The following EXOC4 variants were observed in gnomAD, a reference collection of about 807,000 sequenced individuals.
EXOC4 encodes the protein exocyst complex component 4.
A neutral mutation model predicts 107.2 loss-of-function variants in EXOC4; 71 were observed. The ratio of observed to expected loss-of-function variants is 0.66; its 90% CI spans 0.55 to 0.81. EXOC4 has a LOEUF of 0.81. Among genes scored for constraint, EXOC4 ranks in the 30% least tolerant of loss-of-function variants. The pLI, the probability that EXOC4 is intolerant of heterozygous loss-of-function variation, is 0.00. For missense variants in EXOC4, 1,108 were observed against 1,189.6 expected (o/e 0.93, Z 1.01); for synonymous variants, 456 against 441.2 (o/e 1.03, Z -0.42).
intron 17 of EXOC4, among the ~76,000 whole-genome samples, chr7:134,028,503 G>C (rs1415004266): frequency 1.3e-5 from 2 of 152,228 alleles, no homozygotes; most frequent in Non-Finnish European, 2.9e-5. Flanking sequence ...GTGGGAAACT[G>C]TTCCTGCTGC....
chr7:133,547,985 G>A (rs1326292495), intron 9 of EXOC4, among the ~76,000 whole-genome samples: 1 of 151,904 alleles, frequency 6.6e-6, no homozygotes, highest in Non-Finnish European at 1.5e-5. Flanking sequence ...GGATCCATCA[G>A]AAGAATCACT....
At chr7:133,620,484 A>G (rs1219054169) in intron 9 of EXOC4, among the ~76,000 whole-genome samples, 1 of 152,222 alleles carries the variant, frequency 6.6e-6, no homozygotes, top group African/African-American at 2.4e-5. Context: ...GAATTGAAAC[A>G]TACATCCACA....
intron 9 of EXOC4, among the ~76,000 whole-genome samples, chr7:133,507,754 T>C (rs942584200): frequency 1.3e-5 from 2 of 152,204 alleles, no homozygotes; most frequent in Non-Finnish European, 2.9e-5. Flanking sequence ...TGTTAAGTTA[T>C]AAACTGCAGC....
intron 9 of EXOC4, among the ~76,000 whole-genome samples, chr7:133,627,140 A>T (rs1209421406): frequency 6.6e-6 from 1 of 152,234 alleles, no homozygotes; most frequent in Admixed American, 6.5e-5. Flanking sequence ...GTTAAGGTTC[A>T]TAATGGGTTA....
chr7:133,264,109 G>A (rs1793654185), intron 1 of EXOC4, among the ~76,000 whole-genome samples: 2 of 152,124 alleles, frequency 1.3e-5, no homozygotes, highest in African/African-American at 4.8e-5. Flanking sequence ...AAGAGTAGGG[G>A]GTAGATTTTA....
intron 10 of EXOC4, among the ~76,000 whole-genome samples, chr7:133,746,972 A>G (rs79640596): frequency 0.012 from 1,806 of 152,274 alleles, 31 homozygotes; most frequent in African/African-American, 0.041. Flanking sequence ...ACTTGAGGAA[A>G]GTCAGAGGTT....
chr7:133,723,214 G>A (rs904488493), intron 10 of EXOC4, among the ~76,000 whole-genome samples: 3 of 152,208 alleles, frequency 2.0e-5, no homozygotes, highest in Non-Finnish European at 4.4e-5. Context: ...AGAAAAGAGG[G>A]GAGAAGAGGT....
chr7:133,803,368 T>C (rs1480632824), intron 10 of EXOC4, among the ~76,000 whole-genome samples: 1 of 152,230 alleles, frequency 6.6e-6, no homozygotes, highest in Non-Finnish European at 1.5e-5. Context: ...TTTTTTTAAA[T>C]GTACAAACCA....
intron 6 of EXOC4, among the ~76,000 whole-genome samples, chr7:133,361,443 G>A (rs1480271810): frequency 6.6e-6 from 1 of 152,074 alleles, no homozygotes; most frequent in Non-Finnish European, 1.5e-5. Flanking sequence ...ACCACGCCCG[G>A]CTAATTTTTT....
At chr7:133,953,301 A>T (rs1011937664) in intron 14 of EXOC4, among the ~76,000 whole-genome samples, 19 of 152,114 alleles carry the variant, frequency 1.2e-4, no homozygotes, top group African/African-American at 4.6e-4. Context: ...AAAATAAAAA[A>T]TTTGGCCAGG....
At chr7:133,450,179 T>G (rs1291649300) in intron 7 of EXOC4, among the ~76,000 whole-genome samples, 1 of 152,102 alleles carries the variant, frequency 6.6e-6, no homozygotes, top group Non-Finnish European at 1.5e-5. Flanking sequence ...GGGTTATTAT[T>G]ATTTTTTTTT....
chr7:133,559,563 T>C (rs1241568833), intron 9 of EXOC4, among the ~76,000 whole-genome samples: 1 of 152,190 alleles, frequency 6.6e-6, no homozygotes, highest in Non-Finnish European at 1.5e-5. Flanking sequence ...ATTTCTTGAT[T>C]TCAGTTGTAA....
intron 9 of EXOC4, among the ~76,000 whole-genome samples, chr7:133,483,383 GCT>G (rs1246219726): frequency 2.0e-5 from 3 of 152,178 alleles, no homozygotes; most frequent in African/African-American, 7.2e-5. Flanking sequence ...TTGCCCTTGA[GCT>G]CTCTGGCCCA....
intron 6 of EXOC4, among the ~76,000 whole-genome samples, chr7:133,357,028 C>T (rs947288337): frequency 6.6e-6 from 1 of 152,172 alleles, no homozygotes; most frequent in African/African-American, 2.4e-5. Context: ...ATTGGTAAAA[C>T]AGCTTGACTA....
intron 15 of EXOC4, among the ~76,000 whole-genome samples, chr7:133,998,200 T>A (rs1039745804): frequency 6.6e-6 from 1 of 152,216 alleles, no homozygotes; most frequent in African/African-American, 2.4e-5. Context: ...CAATAGGCAA[T>A]CAATGGAAGT....
At chr7:133,268,880 A>G (rs541014869) in intron 1 of EXOC4, among the ~76,000 whole-genome samples, 1 of 152,206 alleles carries the variant, frequency 6.6e-6, no homozygotes, top group Non-Finnish European at 1.5e-5. Flanking sequence ...GATGTAATTC[A>G]TCATGCAAAA....
chr7:133,597,516 T>C (rs1300369832), intron 9 of EXOC4, among the ~76,000 whole-genome samples: 1 of 138,612 alleles, frequency 7.2e-6, no homozygotes, highest in Non-Finnish European at 1.5e-5. Flanking sequence ...ATCGCACCAT[T>C]GCACTCCAGC....
intron 5 of EXOC4, among the ~76,000 whole-genome samples, chr7:133,338,011 CTT>C (rs35115594): frequency 1.1e-3 from 158 of 141,172 alleles, no homozygotes; most frequent in East Asian, 1.8e-3. Context: ...GGTTTTCTTT[CTT>C]TTTTTTTTTT....
chr7:133,845,334 T>TG (rs757397253), intron 11 of EXOC4, among the ~76,000 whole-genome samples: 11,472 of 136,458 alleles, frequency 0.084, 590 homozygotes, highest in Non-Finnish European at 0.12. Flanking sequence ...GGCAGGTTAG[T>TG]AGTGTGTGTG....
Sources: gnomAD v4.1 joint callset for allele counts (sites outside exome capture counted in the v4.1 genomes callset) on GRCh38, gnomAD v4.1.1 for gene constraint, MANE v1.5 for transcripts, NCBI Gene and HGNC (gene_info 2026-07-23, HGNC 2026-07-21) for gene names.